The following MAP3K3 variants were observed in gnomAD, a reference collection of about 807,000 sequenced individuals.
MAP3K3 encodes MAP/ERK kinase kinase 3.
Under a neutral mutation model 80.9 loss-of-function variants are expected in MAP3K3, and 12 were observed. That is an observed-to-expected ratio of 0.15 (90% CI 0.10 to 0.24). The LOEUF is 0.24. Among genes scored for constraint, MAP3K3 ranks in the 10% least tolerant of loss-of-function variants. The probability of loss-of-function intolerance (pLI) is 1.00; values close to 1 mark genes in which losing one functional copy is unlikely to be tolerated. For missense variants in MAP3K3, 596 were observed against 834.7 expected (o/e 0.71, Z 3.52); for synonymous variants, 272 against 307.1 (o/e 0.89, Z 1.19).
intron 6 of MAP3K3, chr17:63,668,433 A>G (rs1260241597): frequency 1.3e-5 from 2 of 152,228 alleles, no homozygotes; most frequent in Non-Finnish European, 2.9e-5. Context: ...TACCCTAGCA[A>G]GGAGAGCCTA....
chr17:63,646,185 G>A, intron 3 of MAP3K3, 111 bp downstream of exon 3: 1 of 916,984 alleles, frequency 1.1e-6, no homozygotes, highest in South Asian at 1.4e-5. Flanking sequence ...GCCACTGGCT[G>A]GGTAATAGGG....
Position 63,688,653 on chromosome 17 carries a change from C to G in MAP3K3, c.778+59C>G, listed in dbSNP as rs1405972372. 2.6e-6 allele frequency: 4 copies of G among 1,535,816 alleles called. No individual in the cohort carries two copies. The African/African-American group carries it at 5.5e-5, about 21-fold the overall frequency. ...GGTGTCTGGGTGGGGCCTCAGGTGGCTCTGCTTCGACTTTTCTGAGTCAGT... is the reference window on the plus strand; with the variant it reads ...GGTGTCTGGGTGGGGCCTCAGGTGGGTCTGCTTCGACTTTTCTGAGTCAGT... On this transcript the variant is annotated intron_variant, in intron 9 of 15. Transcript: ENST00000361733.
rs557130264 is a variant in MAP3K3, at chr17:63,687,596, A to C, written c.711-931A>C. ...TCCCAGCTACTTGGGAGGCTGAGGC[A>C]GGAGAATAGCTTGAACCCAGGAGGT... On this transcript the variant is annotated intron_variant, in intron 8 of 15. Transcript: ENST00000361733. 2.0e-4 allele frequency among the ~76,000 whole-genome samples: 30 copies of C among 151,394 alleles called. No individual in the cohort carries two copies. In the South Asian group the frequency reaches 6.3e-3, roughly 32 times the overall value.
intron 1 of MAP3K3, among the ~76,000 whole-genome samples, chr17:63,626,025 A>G (rs1195995668): frequency 6.6e-6 from 1 of 152,174 alleles, no homozygotes; most frequent in Non-Finnish European, 1.5e-5. Context: ...GTGAACCATG[A>G]TCGTGTCACT....
chr17:63,638,822 G>A (rs570494429), intron 2 of MAP3K3, among the ~76,000 whole-genome samples: 25 of 152,250 alleles, frequency 1.6e-4, no homozygotes, highest in East Asian at 3.9e-4. Context: ...CGAGGCAGGC[G>A]GATCACCTGG....
intron 6 of MAP3K3, among the ~76,000 whole-genome samples, chr17:63,677,394 C>T (rs1168751163): frequency 6.6e-6 from 1 of 152,186 alleles, no homozygotes; most frequent in East Asian, 1.9e-4. Flanking sequence ...AGGAAGCAGG[C>T]AGTAGGCTAA....
chr17:63,625,966 A>G (rs1238112517), intron 1 of MAP3K3, among the ~76,000 whole-genome samples: 1 of 152,254 alleles, frequency 6.6e-6, no homozygotes, highest in East Asian at 1.9e-4. Context: ...CCAGTTACCC[A>G]GGAGACCGAG....
chr17:63,631,011 G>A (rs2034204391), intron 1 of MAP3K3, among the ~76,000 whole-genome samples: 1 of 152,148 alleles, frequency 6.6e-6, no homozygotes, highest in African/African-American at 2.4e-5. Context: ...GAGGGGCCAG[G>A]CACGGTGGCT....
At chr17:63,657,662 C>A in intron 4 of MAP3K3, 132 bp from the exon 5 acceptor site, 1 of 473,214 alleles carries the variant, frequency 2.1e-6, no homozygotes, top group Non-Finnish European at 3.8e-6. Context: ...CTCTTAAGAC[C>A]CCATAGTATC....
chr17:63,677,235 C>T (rs984122097), intron 6 of MAP3K3, among the ~76,000 whole-genome samples: 1 of 152,186 alleles, frequency 6.6e-6, no homozygotes, highest in Non-Finnish European at 1.5e-5. Flanking sequence ...TCTGAACCCA[C>T]GTATATCTAA....
At position 63,623,571 on chromosome 17, in the gene MAP3K3, A is replaced by G. The variant is rs532513223; in HGVS notation, c.4+808A>G. 2.0e-5 allele frequency among the ~76,000 whole-genome samples: 3 copies of G among 152,332 alleles called. No individual in the cohort carries two copies. In the South Asian group the frequency reaches 6.2e-4, roughly 32 times the overall value. ...CTTTTTGTCAGTATTTACAATTTCT[A>G]CTGTGAAGATGTAATCTAAGGAAAG... is the stretch of plus-strand genomic sequence containing the variant. On this transcript the variant is annotated intron_variant, in intron 1 of 15. Coordinates refer to ENST00000361733, the MANE Select transcript of MAP3K3 (RefSeq NM_002401.5).
At position 63,691,851 on chromosome 17, in the gene MAP3K3, G is replaced by A. The variant is rs77866388; in HGVS notation, c.1463G>A (p.Arg488Gln). The change falls in exon 14 of 16, where the codon CGG (arginine) becomes CAG (glutamine). Residue 488 changes from arginine (R) to glutamine (Q), a missense_variant. By Grantham distance (43) the Arg-to-Gln change is conservative (BLOSUM62 1). Coordinates refer to ENST00000361733, the MANE Select transcript of MAP3K3 (RefSeq NM_002401.5). This position sits in a 1 kb window ranked among gnomAD's most constrained non-coding sequence, Gnocchi z 4.8. The part of the protein sequence containing the change: ...SYLHSNMIVH[R>Q]DIKGANILRD... ...CTGCACAGCAACATGATTGTTCACC[G>A]GGACATTAAGGGTGAGCAGGGCCAG... The A allele has an allele frequency of 5.0e-6, 8 of 1,613,944 alleles. No individual in the cohort carries two copies. Among genetic ancestry groups the A allele is most frequent in the Admixed American group, 1.7e-5 (1 of 60,022 alleles).
intron 1 of MAP3K3, among the ~76,000 whole-genome samples, chr17:63,626,653 T>G (rs1467526659): frequency 6.6e-6 from 1 of 152,264 alleles, no homozygotes; most frequent in Admixed American, 6.5e-5. Context: ...GGGTCTGGCC[T>G]TATTGCATAT....
intron 2 of MAP3K3, among the ~76,000 whole-genome samples, chr17:63,643,764 T>A (rs1223911746): frequency 6.6e-6 from 1 of 152,102 alleles, no homozygotes; most frequent in Non-Finnish European, 1.5e-5. Context: ...CAGATCCAGT[T>A]GAGGAAATAG....
At chr17:63,690,472 C>G (rs939714460) in intron 12 of MAP3K3, 60 bp downstream of exon 12, 10 of 1,569,984 alleles carry the variant, frequency 6.4e-6, no homozygotes, top group Non-Finnish European at 8.7e-6. Context: ...GCCTGTCTTA[C>G]CACACAGAGT....
chr17:63,651,739 C>G (rs1344178817), intron 3 of MAP3K3, among the ~76,000 whole-genome samples: 1 of 152,180 alleles, frequency 6.6e-6, no homozygotes, highest in Non-Finnish European at 1.5e-5. Context: ...CCTAATGAGT[C>G]TCTCCAGAAA....
intron 2 of MAP3K3, among the ~76,000 whole-genome samples, chr17:63,640,485 A>G (rs916694277): frequency 2.0e-5 from 3 of 152,194 alleles, no homozygotes; most frequent in Admixed American, 6.5e-5. Context: ...CAGTACTACA[A>G]ACTAAAGGGG....
intron 7 of MAP3K3, among the ~76,000 whole-genome samples, chr17:63,685,260 G>A (rs895214859): frequency 3.3e-5 from 5 of 152,200 alleles, no homozygotes; most frequent in Admixed American, 6.5e-5. Context: ...AACAAGAAAA[G>A]CAGAGCCTCT....
intron 6 of MAP3K3, among the ~76,000 whole-genome samples, chr17:63,680,306 G>A (rs1346364325): frequency 6.6e-6 from 1 of 152,158 alleles, no homozygotes; most frequent in East Asian, 1.9e-4. Flanking sequence ...GGAATGGAGG[G>A]CTCTTGTGTC....
Sources: allele counts gnomAD v4.1 joint callset (sites outside exome capture counted in the v4.1 genomes callset), GRCh38; gene constraint gnomAD v4.1.1; non-coding constraint Gnocchi (gnomAD v3.1); transcripts MANE v1.5; gene names NCBI Gene and HGNC (gene_info 2026-07-23, HGNC 2026-07-21).